Variants in NBR1 observed in about 807,000 individuals in gnomAD.
NBR1 encodes the protein NBR1 autophagy cargo receptor.
NBR1 carries 59 observed loss-of-function variants against 115.5 expected under a neutral mutation model. The observed-to-expected ratio is 0.51, with a 90% CI of 0.41 to 0.63. The LOEUF is 0.63. Among genes scored for constraint, NBR1 ranks in the 30% least tolerant of loss-of-function variants. NBR1 has a pLI of 0.00. For missense variants in NBR1, 1,043 were observed against 1,150.5 expected (o/e 0.91, Z 1.35); for synonymous variants, 373 against 414.7 (o/e 0.90, Z 1.22).
At chr17:43,197,601 G>A (rs1188430799) in intron 16 of NBR1, among the ~76,000 whole-genome samples, 4 of 152,132 alleles carry the variant, frequency 2.6e-5, no homozygotes, top group African/African-American at 7.2e-5. Context: ...AGAGCATCAG[G>A]AGTAAAGAAG....
chr17:43,194,241 T>C, intron 12 of NBR1, 109 bp from the exon 13 acceptor site: 1 of 1,025,754 alleles, frequency 9.7e-7, no homozygotes, highest in Non-Finnish European at 1.4e-6. Flanking sequence ...AAACATTGTT[T>C]TTTAAAATAT....
Position 43,179,427 on chromosome 17 carries a change from G to A in NBR1, c.184+15G>A, listed in dbSNP as rs1180115474. Reference sequence around the variant, plus strand: ...CAACAGTCAAGGTGAGTCCCTAAGAGAGTCTGTTCAGCCTTGTTTAAAAAC... The same window carrying A: ...CAACAGTCAAGGTGAGTCCCTAAGAAAGTCTGTTCAGCCTTGTTTAAAAAC... On this transcript the variant is annotated intron_variant, in intron 4 of 20. Transcript: ENST00000590996. 2 of 1,611,628 alleles carry A rather than the reference G, an allele frequency of 1.2e-6. No homozygotes were observed. Among genetic ancestry groups the A allele is most frequent in the Admixed American group, 1.7e-5 (1 of 59,966 alleles).
intron 16 of NBR1, among the ~76,000 whole-genome samples, chr17:43,197,548 T>C (rs1321201085): frequency 2.6e-5 from 4 of 152,038 alleles, no homozygotes; most frequent in Non-Finnish European, 5.9e-5. Flanking sequence ...CTGATCTTGT[T>C]TGTGTCTTTA....
Position 43,193,100 on chromosome 17 carries a change from T to G in NBR1, c.1080T>G (p.Pro360=), listed in dbSNP as rs763679477. 2.5e-6 allele frequency: 4 copies of G among 1,613,468 alleles called. No individual in the cohort carries two copies. The highest frequency in any genetic ancestry group is 2.2e-5 in the East Asian group (1 of 44,876). Residue 360 remains proline, a synonymous_variant, in exon 11 of 21, where the codon CCT becomes CCG. Transcript: ENST00000590996. ...CATCTGAATTTCTGTTCAGGCTCCC[T>G]TTGCAGCCCTGTACCTCCGTTATGC... ...SLLQSNTLML[P]LQPCTSVMPM...
rs949999185 is a variant in NBR1 at position 43,189,900 on chromosome 17, T to C, written c.695+98T>C. ...GTAAAGGGAAATTAATTGTACCCTGTTTCTGAGCATTAGATGTTGTAGCTG... is the reference window on the plus strand; with the variant it reads ...GTAAAGGGAAATTAATTGTACCCTGCTTCTGAGCATTAGATGTTGTAGCTG... On this transcript the variant is annotated intron_variant, in intron 8 of 20. Coordinates refer to ENST00000590996, the MANE Select transcript of NBR1 (RefSeq NM_005899.5). 5.0e-6 allele frequency: 5 copies of C among 996,314 alleles called. No individual in the cohort carries two copies. The African/African-American group carries it at 8.0e-5, about 16-fold the overall frequency. 61.7% of individuals were successfully genotyped at this position (996,314 alleles called of 1,614,324 possible).
At position 43,195,021 on chromosome 17, in the gene NBR1, C is replaced by A; in HGVS notation, c.1732C>A (p.Pro578Thr). ...CATTGTTCAAGAGTTGGAGAGAGTG[C>A]CCCACAACACCCCTGTGGGTAAGAA... is the stretch of plus-strand genomic sequence containing the variant. ...INIVQELERVPHNTPVDVTPC... is the reference protein window; with the variant it reads ...INIVQELERVTHNTPVDVTPC... The change falls in exon 14 of 21, where the codon CCC (proline) becomes ACC (threonine). Residue 578 changes from proline to threonine, a missense_variant. Coordinates refer to ENST00000590996, the MANE Select transcript of NBR1 (RefSeq NM_005899.5). 6.2e-7 allele frequency: 1 copy of A among 1,613,090 alleles called. No individual in the cohort carries two copies. The highest frequency in any genetic ancestry group is 8.5e-7 in the Non-Finnish European group (1 of 1,179,280).
In NBR1 at chr17:43,192,431, C is replaced by T. The variant is rs540758020; in HGVS notation, c.1074-663C>T. 4.0e-4 allele frequency among the ~76,000 whole-genome samples: 60 copies of T among 151,082 alleles called. 1 individual carries two copies. Among genetic ancestry groups the T allele is most frequent in the Middle Eastern group, 7.0e-3 (2 of 286 alleles). ...TTGCCCAGGCTGGAGTGCAGTGGCGCGATCTCGGCTCACTGCAAGCTCCAC... is the reference window on the plus strand; with the variant it reads ...TTGCCCAGGCTGGAGTGCAGTGGCGTGATCTCGGCTCACTGCAAGCTCCAC... On this transcript the variant is annotated intron_variant, in intron 10 of 20. Transcript: ENST00000590996.
chr17:43,173,142 T>C (rs1043837585), intron 1 of NBR1, among the ~76,000 whole-genome samples: 7 of 152,052 alleles, frequency 4.6e-5, no homozygotes, highest in Admixed American at 1.3e-4. Flanking sequence ...TTTTTTAAAA[T>C]GTTTAATTGA....
At chr17:43,203,354 C>T (rs1025571843) in intron 19 of NBR1, among the ~76,000 whole-genome samples, 3 of 152,144 alleles carry the variant, frequency 2.0e-5, no homozygotes, top group African/African-American at 7.2e-5. Context: ...GGTGTTTTCT[C>T]TGAGAGAATA....
In NBR1 at chr17:43,179,390, A is replaced by T; in HGVS notation, c.166-4A>T. ...ATTCACTGTTGCTTTTTTTCCTTTT[A>T]TAGGTATCCATCAACAGTCAAGGTG... On this transcript the variant is annotated splice_polypyrimidine_tract_variant and splice_region_variant and intron_variant, in intron 3 of 20. Transcript: ENST00000590996. The T allele has an allele frequency of 6.2e-7, 1 of 1,612,660 alleles. No homozygotes were observed. The highest frequency in any genetic ancestry group is 8.5e-7 in the Non-Finnish European group (1 of 1,178,952).
At chr17:43,172,765 G>T (rs921317256) in intron 1 of NBR1, among the ~76,000 whole-genome samples, 3 of 152,142 alleles carry the variant, frequency 2.0e-5, no homozygotes. Flanking sequence ...GTATTTTACA[G>T]GGCAGTGCAT....
rs761321679 is a variant in NBR1, at chr17:43,201,772, T to A, written c.2555T>A (p.Ile852Asn). ...GAAGTTTCTTCAGTCCCTGATCAGA[T>A]CAGAGGAGGTAATGATCAGCCTAAG... ...IPEVSSVPDQ[I>N]RGEPRGSSGL... Residue 852 changes from isoleucine (I) to asparagine (N), a missense_variant, in exon 18 of 21, where the codon ATC becomes AAC. Physicochemically the swap from Ile to Asn is moderately radical, Grantham distance 149 (BLOSUM62 -3). Coordinates refer to ENST00000590996, the MANE Select transcript of NBR1 (RefSeq NM_005899.5). 2.9e-5 allele frequency: 46 copies of A among 1,571,616 alleles called. No homozygotes were observed. The highest frequency in any genetic ancestry group is 3.7e-5 in the Non-Finnish European group (42 of 1,141,478).
intron 3 of NBR1, among the ~76,000 whole-genome samples, chr17:43,178,567 G>C (rs575741770): frequency 6.6e-6 from 1 of 151,314 alleles, no homozygotes; most frequent in South Asian, 2.1e-4. Context: ...AGTAGAGACG[G>C]TATTTCACCA....
chr17:43,192,316 C>T (rs555263386), intron 10 of NBR1, among the ~76,000 whole-genome samples: 1 of 152,158 alleles, frequency 6.6e-6, no homozygotes, highest in South Asian at 2.1e-4. Flanking sequence ...GCCACTGCGC[C>T]TGCCTGGCGT....
chr17:43,208,505 C>T (rs1385981525), intron 20 of NBR1, among the ~76,000 whole-genome samples: 1 of 152,066 alleles, frequency 6.6e-6, no homozygotes, highest in Non-Finnish European at 1.5e-5. Context: ...TTTCAACAAC[C>T]CTGCAAAGTA....
intron 20 of NBR1, among the ~76,000 whole-genome samples, chr17:43,206,175 C>CAAA (rs1280826827): frequency 1.6e-5 from 1 of 63,806 alleles, no homozygotes; most frequent in Non-Finnish European, 3.3e-5. Flanking sequence ...GACTCTGTCT[C>CAAA]AAAAAAAAAA....
chr17:43,195,400 C>T (rs777716881), intron 14 of NBR1: 11 of 258,624 alleles, frequency 4.3e-5, no homozygotes, highest in Middle Eastern at 1.4e-3. Flanking sequence ...GCCTGTAATC[C>T]CAGCACTTTG....
At chr17:43,209,679 C>T (rs2057380983) in intron 20 of NBR1, 20 of 1,535,502 alleles carry the variant, frequency 1.3e-5, no homozygotes, top group Non-Finnish European at 1.7e-5. Flanking sequence ...CCCTTTTCTC[C>T]TCCTTCAAGT....
At position 43,210,150 on chromosome 17, in the gene NBR1, G is replaced by C; in HGVS notation, c.*76G>C. 7.1e-7 allele frequency: 1 copy of C among 1,399,154 alleles called. No individual in the cohort carries two copies. The highest frequency in any genetic ancestry group is 9.7e-7 in the Non-Finnish European group (1 of 1,033,174). 86.7% of individuals were successfully genotyped at this position (1,399,154 alleles called of 1,614,324 possible). A position where few individuals can be genotyped will look rare whatever the true frequency, so the allele number is the denominator to read the frequency against. ...TCTGTCATTGGGGTATGGGATAGAA[G>C]CCCTTGCTTATTTTTAATCTGATGA... On this transcript the variant is annotated 3_prime_UTR_variant, in exon 21 of 21. Coordinates refer to ENST00000590996, the MANE Select transcript of NBR1 (RefSeq NM_005899.5).
Sources: gnomAD v4.1 joint callset for allele counts (sites outside exome capture counted in the v4.1 genomes callset) on GRCh38, gnomAD v4.1.1 for gene constraint, MANE v1.5 for transcripts, NCBI Gene and HGNC (gene_info 2026-07-23, HGNC 2026-07-21) for gene names.